Variants in FGF1 observed in about 807,000 individuals in gnomAD.
FGF1 encodes beta-endothelial cell growth factor.
A neutral mutation model predicts 13.4 loss-of-function variants in FGF1; 9 were observed. The observed-to-expected ratio is 0.67, with a 90% CI of 0.40 to 1.17. FGF1 has a LOEUF of 1.17. Ranked by LOEUF, FGF1 falls within the 50% of genes most tolerant of loss-of-function variation. The pLI is 0.01. For synonymous variants in FGF1, 93 were observed against 79.0 expected (o/e 1.18, Z -0.94); for missense variants, 156 against 192.7 (o/e 0.81, Z 1.13).
chr5:142,638,389 A>G (rs1764634514), intron 1 of FGF1, among the ~76,000 whole-genome samples: 1 of 151,978 alleles, frequency 6.6e-6, no homozygotes, highest in Non-Finnish European at 1.5e-5. Context: ...GCCTCGCACT[A>G]GTTATTTGAG....
At chr5:142,692,404 AT>A (rs1463491789) in intron 2 of FGF1, among the ~76,000 whole-genome samples, 1 of 152,236 alleles carries the variant, frequency 6.6e-6, no homozygotes, top group Non-Finnish European at 1.5e-5. Flanking sequence ...GAGACTTCTC[AT>A]TCTTTGCCTC....
At chr5:142,636,618 T>C (rs1764292426) in intron 1 of FGF1, among the ~76,000 whole-genome samples, 1 of 152,182 alleles carries the variant, frequency 6.6e-6, no homozygotes, top group African/African-American at 2.4e-5. Flanking sequence ...GAACTGAGTA[T>C]TATAGTGGCA....
At chr5:142,688,727 T>C (rs181791872), upstream of FGF1, among the ~76,000 whole-genome samples, 1 of 152,354 alleles carries the variant, frequency 6.6e-6, no homozygotes, top group East Asian at 1.9e-4. Flanking sequence ...AGTAGGTTTA[T>C]CCACAGAGAC....
At chr5:142,631,929 G>T (rs927470506) in intron 1 of FGF1, among the ~76,000 whole-genome samples, 2 of 151,992 alleles carry the variant, frequency 1.3e-5, no homozygotes, top group African/African-American at 4.8e-5. Flanking sequence ...GACTACAGGC[G>T]TGTGCCACCA....
intron 1 of FGF1, among the ~76,000 whole-genome samples, chr5:142,676,435 A>G (rs1772621423): frequency 6.6e-6 from 1 of 152,232 alleles, no homozygotes; most frequent in Non-Finnish European, 1.5e-5. Flanking sequence ...ATTAACTCAC[A>G]TCTTCCTGTC....
At position 142,657,414 on chromosome 5, in the gene FGF1, C is replaced by T. The variant is rs990714646; in HGVS notation, c.-35+28543G>A. 2.7e-4 allele frequency among the ~76,000 whole-genome samples: 41 copies of T among 152,176 alleles called. 1 individual carries two copies. The highest frequency in any genetic ancestry group is 2.6e-4 in the Admixed American group (4 of 15,286). On this transcript the variant is annotated intron_variant, in intron 1 of 3. Coordinates refer to ENST00000337706, the MANE Select transcript of FGF1 (RefSeq NM_000800.5). ...AGCTTTCTGAAGGATGTCAGCACCCCCCCAACACCTCTCAGGCATCCCCAG... is the reference window on the plus strand; with the variant it reads ...AGCTTTCTGAAGGATGTCAGCACCCTCCCAACACCTCTCAGGCATCCCCAG...
At chr5:142,660,981 T>C (rs1214287483) in intron 1 of FGF1, among the ~76,000 whole-genome samples, 1 of 152,186 alleles carries the variant, frequency 6.6e-6, no homozygotes, top group Non-Finnish European at 1.5e-5. Context: ...AAATGGAACA[T>C]GGTTTAAAGG....
intron 1 of FGF1, among the ~76,000 whole-genome samples, chr5:142,649,468 G>A (rs181799601): frequency 0.013 from 1,980 of 151,712 alleles, 48 homozygotes; most frequent in African/African-American, 0.044. Context: ...GTGCAGTGGC[G>A]CGATCTCTGC....
rs141713459 is a variant in FGF1 at position 142,598,902 on chromosome 5, C to G, written c.273+1800G>C. Among the ~76,000 whole-genome samples, 329 of 152,180 alleles carry G rather than the reference C, an allele frequency of 2.2e-3. 2 individuals carry two copies. Among genetic ancestry groups the G allele is most frequent in the African/African-American group, 7.7e-3 (321 of 41,510 alleles). On this transcript the variant is annotated intron_variant, in intron 3 of 3. Transcript: ENST00000337706. ...ATAAGTGAAAGCAGGTTACAATAAA[C>G]GTCAAAATTTATTTAAAGAGGGAAA...
At chr5:142,691,180 G>A (rs1752150346) in intron 2 of FGF1, among the ~76,000 whole-genome samples, 1 of 152,064 alleles carries the variant, frequency 6.6e-6, no homozygotes, top group South Asian at 2.1e-4. Context: ...CAGCACTTTG[G>A]GAGGCCGACG....
intron 2 of FGF1, among the ~76,000 whole-genome samples, chr5:142,609,666 A>G (rs1434679664): frequency 6.6e-6 from 1 of 152,218 alleles, no homozygotes; most frequent in East Asian, 1.9e-4. Flanking sequence ...TTAATCTAAC[A>G]GACTTGAAAG....
chr5:142,614,392 C>T (rs1351900859), intron 1 of FGF1, among the ~76,000 whole-genome samples: 2 of 152,180 alleles, frequency 1.3e-5, no homozygotes, highest in Non-Finnish European at 2.9e-5. Flanking sequence ...CCCAATTGGA[C>T]ACAGCTTTGG....
intron 1 of FGF1, among the ~76,000 whole-genome samples, chr5:142,642,337 TC>T (rs1561643216): frequency 6.6e-6 from 1 of 152,214 alleles, no homozygotes; most frequent in Non-Finnish European, 1.5e-5. Flanking sequence ...AAGTTCATTT[TC>T]CTTGTCCCCT....
At chr5:142,610,776 G>A (rs1758871954) in intron 2 of FGF1, among the ~76,000 whole-genome samples, 1 of 152,216 alleles carries the variant, frequency 6.6e-6, no homozygotes, top group African/African-American at 2.4e-5. Flanking sequence ...AAGTCCACCA[G>A]TAGAGACATT....
chr5:142,655,414 T>C (rs1767987792), intron 1 of FGF1, among the ~76,000 whole-genome samples: 1 of 152,232 alleles, frequency 6.6e-6, no homozygotes, highest in Admixed American at 6.5e-5. Context: ...ACTATGAGGC[T>C]GACCTAAGGT....
intron 1 of FGF1, among the ~76,000 whole-genome samples, chr5:142,671,571 T>A (rs1363006057): frequency 5.3e-5 from 8 of 152,206 alleles, no homozygotes. Flanking sequence ...GAGCTAATTG[T>A]CTTTAACACT....
Position 142,592,278 on chromosome 5 carries a change from C to T in FGF1, c.*3012G>A. On this transcript the variant is annotated 3_prime_UTR_variant, in exon 4 of 4. Coordinates refer to ENST00000337706, the MANE Select transcript of FGF1 (RefSeq NM_000800.5). ...AACAGGCATCTTCATCAGAGGTCTG[C>T]TTTGCAGCCTGTGAGTTTAGTTGTC... The T allele has an allele frequency of 5.0e-6, 2 of 398,442 alleles. No individual in the cohort carries two copies. The highest frequency in any genetic ancestry group is 8.9e-6 in the Non-Finnish European group (2 of 225,936). The allele number at this position is 398,442 out of a possible 1,614,324, so 24.7% of individuals were successfully genotyped here.
intron 1 of FGF1, among the ~76,000 whole-genome samples, chr5:142,638,353 C>G (rs143568612): frequency 1.3e-5 from 2 of 152,172 alleles, no homozygotes; most frequent in African/African-American, 4.8e-5. Context: ...GATATTCCTT[C>G]TTCTCCCTCA....
At chr5:142,655,568 C>A (rs1285126997) in intron 1 of FGF1, among the ~76,000 whole-genome samples, 1 of 152,172 alleles carries the variant, frequency 6.6e-6, no homozygotes, top group Admixed American at 6.5e-5. Context: ...TACTAATTCC[C>A]GACAGTTAAC....
Sources: gnomAD v4.1 joint callset for allele counts (sites outside exome capture counted in the v4.1 genomes callset) on GRCh38, gnomAD v4.1.1 for gene constraint, MANE v1.5 for transcripts, NCBI Gene and HGNC (gene_info 2026-07-23, HGNC 2026-07-21) for gene names.